CACNA1E: variants seen among roughly 807,000 people sequenced by gnomAD.
The protein encoded by CACNA1E is calcium voltage-gated channel subunit alpha1 E.
CACNA1E carries 40 observed loss-of-function variants against 259.2 expected under a neutral mutation model. The observed-to-expected ratio is 0.15, with a 90% confidence interval of 0.12 to 0.20. The LOEUF (loss-of-function observed/expected upper bound fraction) is 0.20. Ranked by LOEUF, CACNA1E falls within the 10% of genes least tolerant of loss-of-function variation. The pLI, the probability that CACNA1E is intolerant of heterozygous loss-of-function variation, is 1.00. For missense variants in CACNA1E, 1,874 were observed against 3,040.1 expected (o/e 0.62, Z 9.02); for synonymous variants, 1,104 against 1,138.5 (o/e 0.97, Z 0.61).
chr1:181,332,608 A>G (rs1170446011), intron 1 of CACNA1E, among the ~76,000 whole-genome samples: 1 of 152,200 alleles, frequency 6.6e-6, no homozygotes, highest in South Asian at 2.1e-4. Context: ...TCTTATTTTC[A>G]TTGATCCAGA....
chr1:181,504,432 C>T (rs1665534325), intron 1 of CACNA1E, among the ~76,000 whole-genome samples: 1 of 152,234 alleles, frequency 6.6e-6, no homozygotes, highest in South Asian at 2.1e-4. Flanking sequence ...GTCATAGGCT[C>T]TGGGAGGAGA....
chr1:181,796,688 C>G lies in CACNA1E; in HGVS notation c.6229C>G (p.Arg2077Gly), dbSNP rs370905391. ...SDSGHKSDTHRSGGRERGRSK... is the reference protein window; with the variant it reads ...SDSGHKSDTHGSGGRERGRSK... ...CACAGGCCACAAGTCTGACACTCACCGCTCAGGGGGCAGGGAGCGGGGACG... is the reference window on the plus strand; with the variant it reads ...CACAGGCCACAAGTCTGACACTCACGGCTCAGGGGGCAGGGAGCGGGGACG... The change falls in exon 47 of 48, where the codon CGC becomes GGC. Residue 2077 changes from arginine to glycine, a missense_variant. Coordinates refer to ENST00000367573, the MANE Select transcript of CACNA1E (RefSeq NM_001205293.3). 1.2e-6 allele frequency: 2 copies of G among 1,602,250 alleles called. No individual in the cohort carries two copies. The highest frequency in any genetic ancestry group is 1.3e-5 in the African/African-American group (1 of 74,714).
At position 181,645,078 on chromosome 1, in the gene CACNA1E, G is replaced by A. The variant is rs186112952; in HGVS notation, c.952-6260G>A. Among the ~76,000 whole-genome samples the A allele has an allele frequency of 4.6e-5, 7 of 152,318 alleles. No homozygotes were observed. The East Asian group carries it at 1.3e-3, about 29-fold the overall frequency. On this transcript the variant is annotated intron_variant, in intron 6 of 47. Transcript: ENST00000367573. ...CCACGTCCTTACTGGTGACAGCCGC[G>A]CAGGGAGGAAGGCAGGAGTAGGGTG...
In CACNA1E at chr1:181,365,621, G is replaced by A. The variant is rs961922952; in HGVS notation, c.-15+47498G>A. On this transcript the variant is annotated intron_variant, in intron 1 of 11. Transcript: ENST00000524607. ...GGCCTGGGCCGGGGTGGTCAGTTCAGTGGCTGCCTTAGACACTGTTCTCCC... is the reference window on the plus strand; with the variant it reads ...GGCCTGGGCCGGGGTGGTCAGTTCAATGGCTGCCTTAGACACTGTTCTCCC... Among the ~76,000 whole-genome samples, 7 of 152,382 alleles carry A rather than the reference G, an allele frequency of 4.6e-5. No homozygotes were observed. The South Asian group carries it at 1.4e-3, about 32-fold the overall frequency.
chr1:181,372,807 T>TGA (rs1654791928), intron 1 of CACNA1E, among the ~76,000 whole-genome samples: 1 of 121,650 alleles, frequency 8.2e-6, no homozygotes, highest in Admixed American at 8.9e-5. Context: ...GAAGGGATGT[T>TGA]GAATATATAT....
intron 6 of CACNA1E, among the ~76,000 whole-genome samples, chr1:181,601,757 G>A (rs1246343281): frequency 6.6e-6 from 1 of 152,168 alleles, no homozygotes; most frequent in East Asian, 1.9e-4. Flanking sequence ...GATCCTGGCA[G>A]TGTAAATCAG....
chr1:181,380,834 C>A (rs1557956543), intron 1 of CACNA1E, among the ~76,000 whole-genome samples: 1 of 152,074 alleles, frequency 6.6e-6, no homozygotes. Flanking sequence ...ATGATATAAC[C>A]ATTTTACCCA....
chr1:181,531,647 G>C (rs927790073), intron 3 of CACNA1E, among the ~76,000 whole-genome samples: 1 of 152,212 alleles, frequency 6.6e-6, no homozygotes, highest in Non-Finnish European at 1.5e-5. Context: ...TGTGTTTACT[G>C]CTCCTGAGCC....
intron 3 of CACNA1E, among the ~76,000 whole-genome samples, chr1:181,577,098 T>G (rs1572261880): frequency 6.6e-6 from 1 of 152,264 alleles, no homozygotes; most frequent in East Asian, 1.9e-4. Flanking sequence ...CTCCTTGGTG[T>G]ACACAATCTA....
At chr1:181,401,222 C>G (rs889538317) in intron 1 of CACNA1E, among the ~76,000 whole-genome samples, 2 of 152,182 alleles carry the variant, frequency 1.3e-5, no homozygotes, top group Non-Finnish European at 2.9e-5. Flanking sequence ...GAGGCCTACT[C>G]TGACCACACT....
At chr1:181,786,355 C>T (rs1660845173) in intron 43 of CACNA1E, among the ~76,000 whole-genome samples, 1 of 151,716 alleles carries the variant, frequency 6.6e-6, no homozygotes, top group Admixed American at 6.6e-5. Flanking sequence ...CCACTTTACA[C>T]ATGAAGAAAC....
At chr1:181,426,763 G>T (rs1374505800) in intron 2 of CACNA1E, among the ~76,000 whole-genome samples, 3 of 49,758 alleles carry the variant, frequency 6.0e-5, no homozygotes, top group East Asian at 8.3e-4. Flanking sequence ...CTCAACCCCT[G>T]TCAATCTCAA....
intron 2 of CACNA1E, among the ~76,000 whole-genome samples, chr1:181,435,711 C>G (rs371281258): frequency 1.3e-5 from 2 of 152,292 alleles, no homozygotes; most frequent in South Asian, 2.1e-4. Flanking sequence ...ATCCGCCTAC[C>G]TTTCTGAATT....
chr1:181,346,943 C>G (rs1207896839), intron 1 of CACNA1E, among the ~76,000 whole-genome samples: 1 of 152,184 alleles, frequency 6.6e-6, no homozygotes, highest in Non-Finnish European at 1.5e-5. Context: ...ATCTGAGGTG[C>G]AGAGTCCTCT....
intron 2 of CACNA1E, among the ~76,000 whole-genome samples, chr1:181,415,557 T>G (rs1039458696): frequency 1.3e-5 from 2 of 152,046 alleles, no homozygotes; most frequent in Non-Finnish European, 2.9e-5. Flanking sequence ...GAAAATGGTG[T>G]GTTCAGAAGG....
intron 3 of CACNA1E, among the ~76,000 whole-genome samples, chr1:181,558,924 A>G (rs901902878): frequency 1.3e-5 from 2 of 152,234 alleles, no homozygotes; most frequent in Non-Finnish European, 2.9e-5. Flanking sequence ...AGTTCCTACA[A>G]GACGGTCTTT....
At chr1:181,404,894 G>A (rs1657357016) in intron 1 of CACNA1E, among the ~76,000 whole-genome samples, 1 of 152,254 alleles carries the variant, frequency 6.6e-6, no homozygotes, top group South Asian at 2.1e-4. Flanking sequence ...CTCGAGGGCT[G>A]TGAGGTGTCC....
At chr1:181,701,503 A>G (rs1262821483) in intron 7 of CACNA1E, among the ~76,000 whole-genome samples, 1 of 152,210 alleles carries the variant, frequency 6.6e-6, no homozygotes, top group Non-Finnish European at 1.5e-5. Context: ...TTATATGCAG[A>G]GACAGAGAGA....
chr1:181,532,993 CT>C (rs1226110994), intron 3 of CACNA1E, among the ~76,000 whole-genome samples: 2 of 152,172 alleles, frequency 1.3e-5, no homozygotes, highest in Non-Finnish European at 2.9e-5. Context: ...CATTCCCTAT[CT>C]ACAAAACCTC....
Sources: gnomAD v4.1 joint callset for allele counts (sites outside exome capture counted in the v4.1 genomes callset) on GRCh38, gnomAD v4.1.1 for gene constraint, MANE v1.5 for transcripts, NCBI Gene and HGNC (gene_info 2026-07-23, HGNC 2026-07-21) for gene names.